The following HMGB1 variants were observed in gnomAD, a reference collection of about 807,000 sequenced individuals.
The protein encoded by HMGB1 is high mobility group protein B1.
For missense variants in HMGB1, 79 were observed against 253.5 expected (o/e 0.31, Z 4.67); for synonymous variants, 81 against 84.0 (o/e 0.96, Z 0.19).
chr13:30,471,712 A>G (rs1886945607), intron 1 of HMGB1, among the ~76,000 whole-genome samples: 1 of 110,084 alleles, frequency 9.1e-6, no homozygotes, highest in African/African-American at 3.5e-5. Flanking sequence ...CTTGTTGCCC[A>G]GGCTGGAGTG....
At position 30,461,477 on chromosome 13, in the gene HMGB1, G is replaced by A; in HGVS notation, c.528C>T (p.Val176=). 1.3e-6 allele frequency: 2 copies of A among 1,557,164 alleles called. No homozygotes were observed. The highest frequency in any genetic ancestry group is 1.7e-6 in the Non-Finnish European group (2 of 1,150,330). ...TCTTTTTCTTGCTTTTTTCAGCCTT[G>A]ACAACTCCCTTTTTTGCTGCATCAG... ...GKPDAAKKGV[V]KAEKSKKKKE... Residue 176 remains valine, a synonymous_variant, in exon 5 of 5, where the codon GTC becomes GTT. Coordinates refer to ENST00000341423, the MANE Select transcript of HMGB1 (RefSeq NM_002128.7).
chr13:30,580,451 A>G lies in HMGB1; in HGVS notation c.-15+36220T>C, dbSNP rs61225301. On this transcript the variant is annotated intron_variant, in intron 1 of 4. Coordinates refer to the HMGB1 transcript ENST00000405805. ...CACCTTGGGCTCACAGTTAGACATC[A>G]GCTATGGCTTGTTTTATTTAAAAAT... 8.9e-3 allele frequency among the ~76,000 whole-genome samples: 1,362 copies of G among 152,350 alleles called. 18 individuals carry two copies. The highest frequency in any genetic ancestry group is 0.031 in the African/African-American group (1,286 of 41,574).
intron 1 of HMGB1, among the ~76,000 whole-genome samples, chr13:30,609,209 G>C (rs566547644): frequency 7.9e-5 from 12 of 152,302 alleles, no homozygotes; most frequent in African/African-American, 2.6e-4. Flanking sequence ...CTTGCAGTGA[G>C]CCATTGCGCC....
chr13:30,573,994 G>A (rs914794923), intron 1 of HMGB1, among the ~76,000 whole-genome samples: 1 of 152,094 alleles, frequency 6.6e-6, no homozygotes, highest in Non-Finnish European at 1.5e-5. Flanking sequence ...AGCAGTGAAC[G>A]GCAATATCAA....
intron 1 of HMGB1, among the ~76,000 whole-genome samples, chr13:30,560,893 C>T (rs1593312949): frequency 6.6e-6 from 1 of 150,986 alleles, no homozygotes. Flanking sequence ...CTTCTTAGAC[C>T]AGTAGAGGCT....
At chr13:30,515,765 T>C (rs1299122390) in intron 1 of HMGB1, among the ~76,000 whole-genome samples, 2 of 151,036 alleles carry the variant, frequency 1.3e-5, no homozygotes, top group Admixed American at 6.6e-5. Context: ...AAAGCAGAGA[T>C]GCACCTTGAA....
intron 1 of HMGB1, among the ~76,000 whole-genome samples, chr13:30,606,255 C>T (rs992642895): frequency 1.3e-5 from 2 of 152,144 alleles, no homozygotes; most frequent in African/African-American, 4.8e-5. Context: ...TCTAACATTT[C>T]CCAATTTCCT....
At chr13:30,600,610 G>A (rs1950389248) in intron 1 of HMGB1, among the ~76,000 whole-genome samples, 1 of 152,080 alleles carries the variant, frequency 6.6e-6, no homozygotes, top group Non-Finnish European at 1.5e-5. Context: ...AAAATCTGAA[G>A]CTTTTTTTTT....
intron 1 of HMGB1, among the ~76,000 whole-genome samples, chr13:30,571,359 A>G (rs1870420678): frequency 6.6e-6 from 1 of 151,230 alleles, no homozygotes; most frequent in African/African-American, 2.4e-5. Flanking sequence ...CAGTGGCGCA[A>G]TCTTGGCTCA....
At chr13:30,477,193 G>A (rs572459805) in intron 1 of HMGB1, among the ~76,000 whole-genome samples, 2 of 152,280 alleles carry the variant, frequency 1.3e-5, no homozygotes, top group Admixed American at 1.3e-4. Flanking sequence ...GGCTTTCAAG[G>A]TCTTTGAATA....
chr13:30,508,404 C>A (rs556452272), intron 1 of HMGB1, among the ~76,000 whole-genome samples: 1 of 151,906 alleles, frequency 6.6e-6, no homozygotes, highest in South Asian at 2.1e-4. Context: ...CCTAGCTACT[C>A]GGGAGGCTGA....
At chr13:30,608,028 GCA>G (rs897077244) in intron 1 of HMGB1, among the ~76,000 whole-genome samples, 3 of 152,126 alleles carry the variant, frequency 2.0e-5, no homozygotes, top group Non-Finnish European at 4.4e-5. Context: ...ATAGAATACA[GCA>G]CAGTGACAGT....
Position 30,571,479 on chromosome 13 carries a change from A to G in HMGB1, c.-15+45192T>C, listed in dbSNP as rs534933766. Among the ~76,000 whole-genome samples, 13 of 152,142 alleles carry G rather than the reference A, an allele frequency of 8.5e-5. No individual in the cohort carries two copies. The South Asian group carries it at 2.7e-3, about 32-fold the overall frequency. On this transcript the variant is annotated intron_variant, in intron 1 of 4. Coordinates refer to the HMGB1 transcript ENST00000405805. ...CCGGCTAATTTTTTTTATTTTTAGT[A>G]GAGACGGGGTTTCACCATGCTGGCC... is the stretch of plus-strand genomic sequence containing the variant.
At chr13:30,605,029 A>T (rs1950442516) in intron 1 of HMGB1, among the ~76,000 whole-genome samples, 1 of 152,204 alleles carries the variant, frequency 6.6e-6, no homozygotes, top group Non-Finnish European at 1.5e-5. Flanking sequence ...GAAAATAGGA[A>T]TCAGACACCA....
chr13:30,547,493 C>T (rs1413447344), intron 1 of HMGB1, among the ~76,000 whole-genome samples: 4 of 152,204 alleles, frequency 2.6e-5, no homozygotes, highest in Admixed American at 1.3e-4. Context: ...AAACCTCAGC[C>T]AACCTTAACC....
chr13:30,500,003 T>C (rs1032539215), intron 1 of HMGB1, among the ~76,000 whole-genome samples: 2 of 152,138 alleles, frequency 1.3e-5, no homozygotes, highest in Non-Finnish European at 2.9e-5. Context: ...CTTTAAGAGA[T>C]GATTGGGTCA....
At chr13:30,504,135 T>A (rs763104772) in intron 1 of HMGB1, among the ~76,000 whole-genome samples, 8 of 152,098 alleles carry the variant, frequency 5.3e-5, no homozygotes, top group Non-Finnish European at 1.0e-4. Context: ...AGGTTTTATC[T>A]TGAAGCTAAT....
chr13:30,466,000 A>G, upstream of HMGB1: 1 of 973,628 alleles, frequency 1.0e-6, no homozygotes, highest in Admixed American at 6.1e-5. Flanking sequence ...CATTGGCCCG[A>G]TACCTCCCAT....
chr13:30,480,435 G>T (rs919999298), intron 1 of HMGB1, among the ~76,000 whole-genome samples: 1 of 152,100 alleles, frequency 6.6e-6, no homozygotes, highest in Non-Finnish European at 1.5e-5. Flanking sequence ...TTTAGAGATG[G>T]GGTCTCACTA....
Sources: gnomAD v4.1 joint callset for allele counts (sites outside exome capture counted in the v4.1 genomes callset) on GRCh38, gnomAD v4.1.1 for gene constraint, MANE v1.5 for transcripts, NCBI Gene and HGNC (gene_info 2026-07-23, HGNC 2026-07-21) for gene names.